Variants in C1orf105 observed in about 807,000 individuals in gnomAD.
C1orf105 encodes chromosome 1 open reading frame 105.
Under a neutral mutation model 20.8 loss-of-function variants are expected in C1orf105, and 17 were observed. The observed-to-expected ratio is 0.82, with a 90% CI of 0.56 to 1.23. C1orf105 has a LOEUF of 1.23. Ranked by LOEUF, C1orf105 falls within the 50% of genes most tolerant of loss-of-function variation. C1orf105 has a pLI of 0.00. For missense variants in C1orf105, 219 were observed against 213.5 expected (o/e 1.03, Z -0.16); for synonymous variants, 72 against 72.1 (o/e 1.00, Z 0.01).
intron 3 of C1orf105, among the ~76,000 whole-genome samples, chr1:172,449,782 G>A (rs1041798805): frequency 1.3e-5 from 2 of 152,220 alleles, no homozygotes; most frequent in African/African-American, 4.8e-5. Context: ...CGTGCACTGG[G>A]TAGAGGTGGG....
At chr1:172,458,881 G>A (rs751769490) in intron 4 of C1orf105, among the ~76,000 whole-genome samples, 5 of 152,096 alleles carry the variant, frequency 3.3e-5, no homozygotes, top group Non-Finnish European at 7.4e-5. Context: ...AAGTTCAGAA[G>A]TAAATTCTTA....
rs1482317343 is a variant in C1orf105 at position 172,420,706 on chromosome 1, T to C, written c.-180T>C. The C allele has an allele frequency of 3.2e-6, 2 of 618,180 alleles. No homozygotes were observed. Among genetic ancestry groups the C allele is most frequent in the Non-Finnish European group, 5.9e-6 (2 of 340,868 alleles). 38.3% of individuals were successfully genotyped at this position (618,180 alleles called of 1,614,324 possible). ...ATTCAAGATGTAAATCACACAGATG[T>C]TGGTAGAGAAAAAGGCATACTGGTA... On this transcript the variant is annotated 5_prime_UTR_variant, in exon 1 of 7. Transcript: ENST00000367727.
Position 172,449,608 on chromosome 1 carries a change from G to A in C1orf105, c.198+1077G>A, listed in dbSNP as rs552907373. ...GCATACATGAAAGGGAAACAAGGAC[G>A]CGGCTGGGCCCAGCTAATGCACACA... On this transcript the variant is annotated intron_variant, in intron 3 of 6. Transcript: ENST00000367727. Among the ~76,000 whole-genome samples the A allele has an allele frequency of 3.9e-5, 6 of 152,276 alleles. No homozygotes were observed. The East Asian group carries it at 5.8e-4, about 15-fold the overall frequency.
rs1308166708 is a variant in C1orf105, at chr1:172,438,833, A to T, written c.22-6240A>T. On this transcript the variant is annotated intron_variant, in intron 1 of 6. Transcript: ENST00000367727. ...TTCATGAAATTGCCACAGCCACCTC[A>T]GCCTTCAGCACCTACCACCCTTATG... is the stretch of plus-strand genomic sequence containing the variant. Among the ~76,000 whole-genome samples, 4 of 152,344 alleles carry T rather than the reference A, an allele frequency of 2.6e-5. No homozygotes were observed. The East Asian group carries it at 7.7e-4, about 29-fold the overall frequency.
chr1:172,422,696 C>T (rs2071621011), intron 1 of C1orf105, among the ~76,000 whole-genome samples: 1 of 151,874 alleles, frequency 6.6e-6, no homozygotes, highest in African/African-American at 2.4e-5. Context: ...GTCCCTGATT[C>T]CAGTCCTTGG....
chr1:172,462,389 A>C (rs1193334971), intron 5 of C1orf105, 144 bp downstream of exon 5: 1 of 572,938 alleles, frequency 1.7e-6, no homozygotes, highest in Non-Finnish European at 2.9e-6. Context: ...TTTTAGGTTA[A>C]ACCAAATTAT....
chr1:172,444,074 A>T (rs1647683421), intron 1 of C1orf105: 1 of 998,178 alleles, frequency 1.0e-6, no homozygotes, highest in Non-Finnish European at 1.2e-6. Context: ...GACTGTGGCC[A>T]AGCACTTCCG....
intron 1 of C1orf105, among the ~76,000 whole-genome samples, chr1:172,433,557 A>G (rs1028028682): frequency 5.3e-5 from 8 of 152,220 alleles, no homozygotes; most frequent in African/African-American, 1.9e-4. Flanking sequence ...AAATGCTGAG[A>G]GATGTTGTCA....
At chr1:172,451,599 A>G (rs1333545349) in intron 3 of C1orf105, among the ~76,000 whole-genome samples, 7 of 152,208 alleles carry the variant, frequency 4.6e-5, no homozygotes, top group Admixed American at 4.6e-4. Flanking sequence ...TACAATTTTT[A>G]AAGAGAATAT....
In C1orf105 at chr1:172,430,361, C is replaced by T. The variant is rs866323586; in HGVS notation, c.21+9455C>T. On this transcript the variant is annotated intron_variant, in intron 1 of 6. Transcript: ENST00000367727. ...GTGAGCCTCATCATCCTTCTGATGG[C>T]AGCAGTTAAGGGCTCTGGATTGCTT... The T allele has an allele frequency of 7.2e-6, 5 of 697,276 alleles. No individual in the cohort carries two copies. In the Middle Eastern group the frequency reaches 1.2e-3, roughly 161 times the overall value. 43.2% of individuals were successfully genotyped at this position (697,276 alleles called of 1,614,324 possible). A position where few individuals can be genotyped will look rare whatever the true frequency, so the allele number is the denominator to read the frequency against.
chr1:172,444,727 G>A (rs1647777231), intron 1 of C1orf105, among the ~76,000 whole-genome samples: 1 of 152,136 alleles, frequency 6.6e-6, no homozygotes, highest in African/African-American at 2.4e-5. Flanking sequence ...ATTAAACTGA[G>A]TTCATGGAAA....
At chr1:172,430,344 C>T (rs1430683178) in intron 1 of C1orf105, 2 of 700,646 alleles carry the variant, frequency 2.9e-6, no homozygotes, top group Admixed American at 2.0e-5. Flanking sequence ...AGGTGAGCCT[C>T]ATCATCCTTC....
At chr1:172,441,942 G>A in intron 1 of C1orf105, 4 of 1,614,168 alleles carry the variant, frequency 2.5e-6, no homozygotes, top group Non-Finnish European at 3.4e-6. Context: ...CCCCCACATA[G>A]CTCCGGGGAG....
chr1:172,465,413 T>C lies in C1orf105; in HGVS notation c.406+50T>C, dbSNP rs750484953. 3.1e-6 allele frequency: 4 copies of C among 1,297,420 alleles called. No individual in the cohort carries two copies. In the Admixed American group the frequency reaches 5.1e-5, roughly 17 times the overall value. 80.4% of individuals were successfully genotyped at this position (1,297,420 alleles called of 1,614,324 possible). A position where few individuals can be genotyped will look rare whatever the true frequency, so the allele number is the denominator to read the frequency against. On this transcript the variant is annotated intron_variant, in intron 6 of 6. Transcript: ENST00000367727. ...TAGTGTGAAACACACTAGAAAAAAA[T>C]GCCATAGAATGACAGTCTAATCCCT...
intron 4 of C1orf105, among the ~76,000 whole-genome samples, chr1:172,457,187 G>T (rs575262653): frequency 2.0e-5 from 3 of 152,284 alleles, no homozygotes; most frequent in East Asian, 1.9e-4. Flanking sequence ...TAGAGTTAGC[G>T]CTGGGATGGT....
At chr1:172,432,988 C>T (rs1052052177) in intron 1 of C1orf105, among the ~76,000 whole-genome samples, 4 of 151,922 alleles carry the variant, frequency 2.6e-5, no homozygotes, top group African/African-American at 7.3e-5. Flanking sequence ...CTTCAATAGC[C>T]GATTTGATCA....
At chr1:172,452,602 G>A (rs986586678) in intron 3 of C1orf105, among the ~76,000 whole-genome samples, 9 of 152,356 alleles carry the variant, frequency 5.9e-5, no homozygotes, top group African/African-American at 1.9e-4. Flanking sequence ...TCTTTACCAA[G>A]GGTTCAAGAA....
intron 1 of C1orf105, chr1:172,431,024 C>T: frequency 1.6e-6 from 1 of 619,004 alleles, no homozygotes; most frequent in South Asian, 2.1e-5. Flanking sequence ...CACTGACCAG[C>T]TCTTCCCTGT....
intron 1 of C1orf105, among the ~76,000 whole-genome samples, chr1:172,425,543 C>A (rs1558122534): frequency 1.3e-5 from 2 of 151,976 alleles, no homozygotes; most frequent in African/African-American, 4.8e-5. Context: ...TGCAGCTGAG[C>A]CCTCTTGGTG....
Sources: gnomAD v4.1 joint callset for allele counts (sites outside exome capture counted in the v4.1 genomes callset) on GRCh38, gnomAD v4.1.1 for gene constraint, MANE v1.5 for transcripts, NCBI Gene and HGNC (gene_info 2026-07-23, HGNC 2026-07-21) for gene names.